The following B4GALNT3 variants were observed in gnomAD, a reference collection of about 807,000 sequenced individuals.
The protein encoded by B4GALNT3 is beta-1,4-N-acetylgalactosaminyltransferase 3.
In B4GALNT3, 86 loss-of-function variants were observed where a neutral mutation model predicts 120.2. The observed-to-expected ratio is 0.72, with a 90% CI of 0.60 to 0.86. The LOEUF is 0.86. B4GALNT3 is among the 40% of genes least tolerant of loss of function. The pLI, the probability that B4GALNT3 is intolerant of heterozygous loss-of-function variation, is 0.00. For synonymous variants in B4GALNT3, 518 were observed against 510.4 expected (o/e 1.01, Z -0.20); for missense variants, 1,167 against 1,298.9 (o/e 0.90, Z 1.56).
rs192810926 is a variant in B4GALNT3, at chr12:536,312, T to C, written c.351+17T>C. The C allele has an allele frequency of 3.1e-6, 5 of 1,590,058 alleles. No individual in the cohort carries two copies. The highest frequency in any genetic ancestry group is 4.3e-6 in the Non-Finnish European group (5 of 1,158,206). ...CTCTCAGAGGTGAGGGACTTTCTAT[T>C]GTACCTGCCCTTTGAGAGAGCTAAA... On this transcript the variant is annotated intron_variant, in intron 3 of 19. Coordinates refer to ENST00000266383, the MANE Select transcript of B4GALNT3 (RefSeq NM_173593.4).
intron 17 of B4GALNT3, 115 bp downstream of exon 17, chr12:558,203 A>G: frequency 8.7e-7 from 1 of 1,154,826 alleles, no homozygotes; most frequent in Non-Finnish European, 1.3e-6. Flanking sequence ...ATGAGGACAC[A>G]GGAGGTCCTC....
chr12:554,632 T>C (rs1195240326), intron 14 of B4GALNT3, among the ~76,000 whole-genome samples: 9 of 150,170 alleles, frequency 6.0e-5, no homozygotes, highest in African/African-American at 2.2e-4. Flanking sequence ...CTACTAAAAA[T>C]ACAAAAAATT....
At chr12:545,508 T>C (rs1362811222) in intron 6 of B4GALNT3, 39 bp downstream of exon 6, 1 of 1,540,622 alleles carries the variant, frequency 6.5e-7, no homozygotes, top group South Asian at 1.2e-5. Context: ...CATCTGCTCC[T>C]GGAGCCTGTT....
chr12:541,282 C>T (rs946148622), intron 3 of B4GALNT3, among the ~76,000 whole-genome samples: 5 of 152,244 alleles, frequency 3.3e-5, no homozygotes, highest in Admixed American at 2.6e-4. Context: ...CAGTTTACCT[C>T]TCTGAGCTTC....
intron 3 of B4GALNT3, 42 bp downstream of exon 3, chr12:536,337 A>G: frequency 6.6e-7 from 1 of 1,506,260 alleles, no homozygotes; most frequent in African/African-American, 1.4e-5. Context: ...AGAGAGCTAA[A>G]AAATAATGTT....
In B4GALNT3 at chr12:549,754, C is replaced by T. The variant is rs1429690936; in HGVS notation, c.854-15C>T. The T allele has an allele frequency of 6.2e-7, 1 of 1,613,654 alleles. No homozygotes were observed. The highest frequency in any genetic ancestry group is 2.2e-5 in the East Asian group (1 of 44,886). ...GGCCACACAGCCTCCTGCTTTCTTTCCTCCCTGCGCCCAGATGAGACGTTC... is the reference window on the plus strand; with the variant it reads ...GGCCACACAGCCTCCTGCTTTCTTTTCTCCCTGCGCCCAGATGAGACGTTC... On this transcript the variant is annotated splice_polypyrimidine_tract_variant and intron_variant, in intron 9 of 19. Coordinates refer to ENST00000266383, the MANE Select transcript of B4GALNT3 (RefSeq NM_173593.4).
At chr12:551,652 A>G (rs1006081373) in intron 11 of B4GALNT3, among the ~76,000 whole-genome samples, 3 of 152,158 alleles carry the variant, frequency 2.0e-5, no homozygotes, top group Admixed American at 6.6e-5. Context: ...TAAGGGGGCA[A>G]AGGAAGCAGT....
intron 1 of B4GALNT3, among the ~76,000 whole-genome samples, chr12:512,026 ACCTTCTACCT>A (rs2120583601): frequency 9.5e-6 from 1 of 105,366 alleles, no homozygotes; most frequent in South Asian, 3.1e-4. Context: ...TCCGCCTTCC[ACCTTCTACCT>A]TCTGCCTTCC....
chr12:461,028 C>T (rs917689081), intron 1 of B4GALNT3, among the ~76,000 whole-genome samples: 1 of 152,148 alleles, frequency 6.6e-6, no homozygotes, highest in Non-Finnish European at 1.5e-5. Context: ...CTGTTTGGCT[C>T]ACTCCGTTTC....
intron 9 of B4GALNT3, among the ~76,000 whole-genome samples, chr12:549,525 C>A (rs73034144): frequency 0.032 from 4,872 of 152,324 alleles, 140 homozygotes; most frequent in East Asian, 0.18. Context: ...AAAGAGGTGT[C>A]TTTTTCCGAG....
chr12:480,359 CTG>C (rs1404948639), intron 1 of B4GALNT3, among the ~76,000 whole-genome samples: 3 of 150,248 alleles, frequency 2.0e-5, no homozygotes, highest in Non-Finnish European at 4.4e-5. Context: ...GGAACTGGCT[CTG>C]TGACTTTGAG....
chr12:548,914 A>G lies in B4GALNT3; in HGVS notation c.853+617A>G, dbSNP rs1366080789. Among the ~76,000 whole-genome samples, 2 of 152,156 alleles carry G rather than the reference A, an allele frequency of 1.3e-5. No homozygotes were observed. The highest frequency in any genetic ancestry group is 2.4e-5 in the African/African-American group (1 of 41,426). On this transcript the variant is annotated intron_variant, in intron 9 of 19. Transcript: ENST00000266383. The surrounding 1 kb of genome is among the most constrained non-coding windows in gnomAD (Gnocchi z 4.9). ...CAAGACGCTGCCTCAAAAGCAAAAC[A>G]AAACAACACAAAAAAACCCTCTGAG...
At chr12:482,037 A>T (rs1946247677) in intron 1 of B4GALNT3, among the ~76,000 whole-genome samples, 1 of 152,110 alleles carries the variant, frequency 6.6e-6, no homozygotes. Context: ...GGCTAAATCC[A>T]GCCTCCCACT....
At chr12:540,097 T>C (rs974127099) in intron 3 of B4GALNT3, among the ~76,000 whole-genome samples, 2 of 152,164 alleles carry the variant, frequency 1.3e-5, no homozygotes, top group Non-Finnish European at 2.9e-5. Context: ...TTGACTCTGG[T>C]TGAGTAGCAG....
chr12:514,885 C>T (rs906364122), intron 1 of B4GALNT3, among the ~76,000 whole-genome samples: 1 of 152,034 alleles, frequency 6.6e-6, no homozygotes, highest in Non-Finnish European at 1.5e-5. Context: ...AAAAATTAGC[C>T]AGGCTTGGTG....
chr12:463,112 T>G (rs966677860), intron 1 of B4GALNT3, among the ~76,000 whole-genome samples: 1 of 152,166 alleles, frequency 6.6e-6, no homozygotes, highest in Non-Finnish European at 1.5e-5. Flanking sequence ...TAGCAATCCC[T>G]GCCAACTCAC....
chr12:512,723 CCACCTTCTTCCACCTTT>C (rs1946603531), intron 1 of B4GALNT3, among the ~76,000 whole-genome samples: 1 of 149,546 alleles, frequency 6.7e-6, no homozygotes, highest in Non-Finnish European at 1.5e-5. Context: ...CTTCCACCTT[CCACCTTCTTCCACCTTT>C]GACCTTCCAC....
rs368999742 is a variant in B4GALNT3 at position 464,153 on chromosome 12, A to C, written c.169+3608A>C. On this transcript the variant is annotated intron_variant, in intron 1 of 19. Coordinates refer to ENST00000266383, the MANE Select transcript of B4GALNT3 (RefSeq NM_173593.4). The stretch of plus-strand genomic sequence containing the variant: ...GGCCTGGGGCAGCCACTGTACTAAC[A>C]CATGCTTAAGGATTTCAGTGTTTTA... Among the ~76,000 whole-genome samples the C allele has an allele frequency of 1.3e-3, 197 of 152,330 alleles. 1 individual carries two copies. Among genetic ancestry groups the C allele is most frequent in the African/African-American group, 4.1e-3 (171 of 41,564 alleles).
chr12:481,705 G>T (rs1946244638), intron 1 of B4GALNT3, among the ~76,000 whole-genome samples: 1 of 152,194 alleles, frequency 6.6e-6, no homozygotes, highest in Admixed American at 6.5e-5. Context: ...GGCCCAGGCA[G>T]CTGGGCTGGA....
Sources: allele counts gnomAD v4.1 joint callset (sites outside exome capture counted in the v4.1 genomes callset), GRCh38; gene constraint gnomAD v4.1.1; non-coding constraint Gnocchi (gnomAD v3.1); transcripts MANE v1.5; gene names NCBI Gene and HGNC (gene_info 2026-07-23, HGNC 2026-07-21).